Variants in ARID4B observed in about 807,000 individuals in gnomAD.
ARID4B encodes the protein AT-rich interactive domain-containing protein 4B.
A neutral mutation model predicts 147.5 loss-of-function variants in ARID4B; 26 were observed. That is an observed-to-expected ratio of 0.18 (90% CI 0.13 to 0.24). The LOEUF is 0.24. ARID4B is among the 10% of genes least tolerant of loss of function. The pLI is 1.00. For synonymous variants in ARID4B, 512 were observed against 507.9 expected, an observed-to-expected ratio of 1.01 and a Z score of -0.11; for missense variants, 1,179 against 1,511.5, an observed-to-expected ratio of 0.78 and a Z score of 3.65.
intron 23 of ARID4B, among the ~76,000 whole-genome samples, chr1:235,171,213 CGAAG>C (rs758633148): frequency 2.0e-5 from 3 of 152,036 alleles, no homozygotes; most frequent in Non-Finnish European, 4.4e-5. Context: ...AGGCGGATCA[CGAAG>C]TCAAGAGATC....
chr1:235,318,963 G>T (rs72758078), intron 2 of ARID4B, among the ~76,000 whole-genome samples: 35 of 152,094 alleles, frequency 2.3e-4, no homozygotes, highest in African/African-American at 5.1e-4. Flanking sequence ...GAAGTTTCTT[G>T]TTGGGAATTT....
chr1:235,318,287 T>C (rs1446878421), intron 2 of ARID4B, among the ~76,000 whole-genome samples: 1 of 149,376 alleles, frequency 6.7e-6, no homozygotes, highest in African/African-American at 2.5e-5. Context: ...AGCAATTCTC[T>C]GCCTCAGCCT....
At chr1:235,292,893 G>C (rs947244231) in intron 2 of ARID4B, among the ~76,000 whole-genome samples, 11 of 152,192 alleles carry the variant, frequency 7.2e-5, no homozygotes, top group Non-Finnish European at 1.3e-4. Flanking sequence ...TGACAGAAGA[G>C]AAAAGCTAAA....
chr1:235,309,555 G>C (rs1384706953), intron 2 of ARID4B, among the ~76,000 whole-genome samples: 1 of 149,664 alleles, frequency 6.7e-6, no homozygotes, highest in East Asian at 2.0e-4. Context: ...GAGGTGGGGG[G>C]GTCAGCCCCC....
chr1:235,184,403 GAAAA>G (rs948401173), intron 19 of ARID4B, among the ~76,000 whole-genome samples: 26 of 149,960 alleles, frequency 1.7e-4, no homozygotes, highest in African/African-American at 6.4e-4. Flanking sequence ...AAATAAATAA[GAAAA>G]ACAAACAAAC....
intron 2 of ARID4B, among the ~76,000 whole-genome samples, chr1:235,267,688 C>A (rs1000280967): frequency 6.6e-6 from 1 of 151,832 alleles, no homozygotes. Flanking sequence ...AAAAATTAGC[C>A]GGGTGTGGTG....
intron 2 of ARID4B, among the ~76,000 whole-genome samples, chr1:235,316,445 G>C (rs1379241794): frequency 6.6e-6 from 1 of 152,040 alleles, no homozygotes; most frequent in Non-Finnish European, 1.5e-5. Context: ...GGAGCCAGAG[G>C]CTGCAGTAAG....
rs778250305 is a variant in ARID4B at position 235,246,515 on chromosome 1, TG to T, written c.355-5del. On this transcript the variant is annotated splice_polypyrimidine_tract_variant and splice_region_variant and intron_variant, in intron 6 of 23. Transcript: ENST00000264183. Reference sequence around the variant, plus strand: ...TGAGTGGGAGCTGGTCTAATGTCTGTGGGTAAGAACATAAACCCATCAAAAA... The same window carrying T: ...TGAGTGGGAGCTGGTCTAATGTCTGTGGTAAGAACATAAACCCATCAAAAA... 1 of 1,609,986 alleles carries T rather than the reference TG, an allele frequency of 6.2e-7. No homozygotes were observed. Among genetic ancestry groups the T allele is most frequent in the Non-Finnish European group, 8.5e-7 (1 of 1,176,352 alleles).
chr1:235,316,420 A>T (rs923441568), intron 2 of ARID4B, among the ~76,000 whole-genome samples: 1 of 151,992 alleles, frequency 6.6e-6, no homozygotes, highest in African/African-American at 2.4e-5. Context: ...GAGGCAGGAG[A>T]ATCACTTGAA....
At chr1:235,264,424 G>A (rs1670473085) in intron 2 of ARID4B, among the ~76,000 whole-genome samples, 1 of 152,138 alleles carries the variant, frequency 6.6e-6, no homozygotes, top group African/African-American at 2.4e-5. Flanking sequence ...TGGGCATAAG[G>A]TATCACTCTA....
intron 19 of ARID4B, among the ~76,000 whole-genome samples, chr1:235,190,316 C>T (rs1026068814): frequency 9.2e-5 from 14 of 152,102 alleles, no homozygotes; most frequent in South Asian, 2.1e-4. Context: ...GGCGTGGTGG[C>T]AGGCCCCTGC....
chr1:235,180,896 C>T (rs1477368890), intron 20 of ARID4B: 1 of 159,676 alleles, frequency 6.3e-6, no homozygotes, highest in East Asian at 1.6e-4. Flanking sequence ...AGAAGTATGG[C>T]TATGGCACCA....
At chr1:235,323,510 C>T (rs575727822) in intron 2 of ARID4B, among the ~76,000 whole-genome samples, 2 of 152,108 alleles carry the variant, frequency 1.3e-5, no homozygotes, top group Admixed American at 6.6e-5. Context: ...ATCGGCCGGG[C>T]GCAGTGGCTC....
At chr1:235,236,058 C>G (rs1412100679) in intron 8 of ARID4B, among the ~76,000 whole-genome samples, 1 of 151,848 alleles carries the variant, frequency 6.6e-6, no homozygotes, top group Non-Finnish European at 1.5e-5. Flanking sequence ...TCCCAAGTAG[C>G]TGGGACTACA....
chr1:235,295,900 C>A (rs1672669725), intron 2 of ARID4B: 1 of 152,884 alleles, frequency 6.5e-6, no homozygotes, highest in Non-Finnish European at 1.5e-5. Context: ...CCCTGCTCTC[C>A]CAACGTCAAA....
At chr1:235,271,792 T>TA (rs1391220297) in intron 2 of ARID4B, among the ~76,000 whole-genome samples, 2 of 150,628 alleles carry the variant, frequency 1.3e-5, no homozygotes, top group Non-Finnish European at 3.0e-5. Flanking sequence ...CTAATAAAAA[T>TA]AAAAAAAATT....
At position 235,167,249 on chromosome 1, in the gene ARID4B, T is replaced by C; in HGVS notation, c.*1276A>G. 4.7e-6 allele frequency: 1 copy of C among 213,970 alleles called. No individual in the cohort carries two copies. Among genetic ancestry groups the C allele is most frequent in the African/African-American group, 2.3e-5 (1 of 44,274 alleles). 13.3% of individuals were successfully genotyped at this position (213,970 alleles called of 1,614,324 possible). A position where few individuals can be genotyped will look rare whatever the true frequency, so the allele number is the denominator to read the frequency against. On this transcript the variant is annotated 3_prime_UTR_variant, in exon 24 of 24. Coordinates refer to ENST00000264183, the MANE Select transcript of ARID4B (RefSeq NM_016374.6). ...AAACAAAGAAAACATGCCAGCCCCA[T>C]CCAAAAAAAGTACACAGAACTACAA... is the stretch of plus-strand genomic sequence containing the variant.
intron 2 of ARID4B, among the ~76,000 whole-genome samples, chr1:235,282,492 A>G (rs1235309229): frequency 6.6e-6 from 1 of 152,212 alleles, no homozygotes; most frequent in African/African-American, 2.4e-5. Flanking sequence ...ACAAGTAGGT[A>G]AACCAAGGTG....
At chr1:235,235,726 A>C (rs1253313891) in intron 8 of ARID4B, among the ~76,000 whole-genome samples, 2 of 152,206 alleles carry the variant, frequency 1.3e-5, no homozygotes, top group African/African-American at 4.8e-5. Context: ...GGTGAAAAAA[A>C]CTGAAAAGGA....
Sources: gnomAD v4.1 joint callset for allele counts (sites outside exome capture counted in the v4.1 genomes callset) on GRCh38, gnomAD v4.1.1 for gene constraint, MANE v1.5 for transcripts, NCBI Gene and HGNC (gene_info 2026-07-23, HGNC 2026-07-21) for gene names.